Variants in EZH2 observed in about 807,000 individuals in gnomAD.
The protein encoded by EZH2 is enhancer of zeste 2 polycomb repressive complex 2 subunit.
In EZH2, 18 loss-of-function variants were observed where a neutral mutation model predicts 98.4. The observed-to-expected ratio is 0.18, with a 90% CI of 0.13 to 0.27. The LOEUF is 0.27. Ranked by LOEUF, EZH2 falls within the 10% of genes least tolerant of loss-of-function variation. The pLI is 1.00. For synonymous variants in EZH2, 338 were observed against 312.3 expected (o/e 1.08, Z -0.87); for missense variants, 470 against 935.1 (o/e 0.50, Z 6.49).
intron 6 of EZH2, 72 bp from the exon 7 acceptor site, chr7:148,827,338 C>T (rs780896160): frequency 1.9e-5 from 21 of 1,116,232 alleles, no homozygotes; most frequent in Non-Finnish European, 2.4e-5. Context: ...TTTCTCTACC[C>T]AATTATGTCT....
intron 3 of EZH2, among the ~76,000 whole-genome samples, chr7:148,834,479 C>G (rs759689172): frequency 2.0e-5 from 3 of 151,950 alleles, no homozygotes; most frequent in Non-Finnish European, 4.4e-5. Context: ...TGGGCCACAC[C>G]TGACCCTCAG....
chr7:148,823,674 T>C (rs1199824926), intron 8 of EZH2, among the ~76,000 whole-genome samples: 1 of 150,978 alleles, frequency 6.6e-6, no homozygotes, highest in Non-Finnish European at 1.5e-5. Flanking sequence ...TTTTAAGAGA[T>C]GGGGTCTCAC....
chr7:148,824,271 C>T (rs1807023076), intron 8 of EZH2, among the ~76,000 whole-genome samples: 1 of 149,652 alleles, frequency 6.7e-6, no homozygotes, highest in African/African-American at 2.5e-5. Context: ...GCTGAAATCA[C>T]ACCACTGCAC....
At chr7:148,875,152 T>A (rs1282986208) in intron 1 of EZH2, among the ~76,000 whole-genome samples, 1 of 152,182 alleles carries the variant, frequency 6.6e-6, no homozygotes, top group African/African-American at 2.4e-5. Context: ...TCCATACACC[T>A]AACAGCATAT....
chr7:148,872,564 C>T (rs1231709991), intron 1 of EZH2, among the ~76,000 whole-genome samples: 2 of 152,128 alleles, frequency 1.3e-5, no homozygotes, highest in Non-Finnish European at 2.9e-5. Flanking sequence ...AGGTTCTCAA[C>T]AAATAGTAAT....
At chr7:148,840,259 A>G (rs1334557967) in intron 3 of EZH2, among the ~76,000 whole-genome samples, 1 of 152,200 alleles carries the variant, frequency 6.6e-6, no homozygotes, top group Non-Finnish European at 1.5e-5. Flanking sequence ...CTGATTGCAA[A>G]AGTAAAAATT....
chr7:148,877,419 G>A (rs1353611218), intron 1 of EZH2, among the ~76,000 whole-genome samples: 2 of 152,134 alleles, frequency 1.3e-5, no homozygotes. Context: ...TAATGAGAAA[G>A]TACATCAACT....
intron 8 of EZH2, among the ~76,000 whole-genome samples, chr7:148,825,435 C>A (rs1022099456): frequency 3.9e-5 from 6 of 152,194 alleles, no homozygotes; most frequent in Admixed American, 1.3e-4. Flanking sequence ...GATAACTAAA[C>A]CACTAATATG....
chr7:148,879,920 C>A (rs912284085), intron 1 of EZH2, among the ~76,000 whole-genome samples: 2 of 151,884 alleles, frequency 1.3e-5, no homozygotes, highest in Non-Finnish European at 2.9e-5. Context: ...ACGTGGGCAA[C>A]AAAGCAGGAT....
At chr7:148,839,107 A>AGGAAGGAAGG (rs1307399209) in intron 3 of EZH2, among the ~76,000 whole-genome samples, 3 of 150,162 alleles carry the variant, frequency 2.0e-5, no homozygotes, top group Non-Finnish European at 4.4e-5. Flanking sequence ...GAAGGAAGGA[A>AGGAAGGAAGG]AGTGAGTGAG....
chr7:148,823,050 T>C (rs902955260), intron 8 of EZH2, among the ~76,000 whole-genome samples: 5 of 152,172 alleles, frequency 3.3e-5, no homozygotes, highest in African/African-American at 1.2e-4. Flanking sequence ...GCTTATCACC[T>C]GTGGGAAGCA....
intron 16 of EZH2, among the ~76,000 whole-genome samples, chr7:148,811,282 C>T (rs546205119): frequency 6.6e-6 from 1 of 152,272 alleles, no homozygotes; most frequent in Non-Finnish European, 1.5e-5. Context: ...TCCCAAGTAG[C>T]TGGGACTACA....
At chr7:148,841,126 T>C (rs147983632) in intron 3 of EZH2, among the ~76,000 whole-genome samples, 9 of 152,020 alleles carry the variant, frequency 5.9e-5, no homozygotes, top group Non-Finnish European at 1.2e-4. Context: ...ATAAACATAA[T>C]AAATGACATG....
rs79514524 is a variant in EZH2 at position 148,817,707 on chromosome 7, C to G, written c.1240+170G>C. The G allele has an allele frequency of 3.1e-3, 2,823 of 912,068 alleles. 60 individuals carry two copies. In the African/African-American group the frequency reaches 0.042, roughly 13 times the overall value. The allele number at this position is 912,068 out of a possible 1,614,324, so 56.5% of individuals were successfully genotyped here. On this transcript the variant is annotated intron_variant, in intron 10 of 19. Transcript: ENST00000320356. ...AGGGCAAACACCACAAGCTAGGGTA[C>G]GGGTGCAGGCAGGAAACAGAAACAA...
intron 19 of EZH2, 44 bp from the exon 20 acceptor site, chr7:148,807,750 C>T (rs774640077): frequency 7.3e-7 from 1 of 1,373,724 alleles, no homozygotes; most frequent in African/African-American, 2.0e-5. Context: ...GCCACCCATC[C>T]AACATGTGCT....
chr7:148,833,286 G>A lies in EZH2; in HGVS notation c.247-536C>T, dbSNP rs572930110. On this transcript the variant is annotated intron_variant, in intron 3 of 19. Coordinates refer to ENST00000320356, the MANE Select transcript of EZH2 (RefSeq NM_004456.5). ...ATCCTGGCTAACACGGTGAAACCCC[G>A]TCTCTACTAAAAATACAAAAATTAG... 3.2e-4 allele frequency among the ~76,000 whole-genome samples: 48 copies of A among 151,742 alleles called. No homozygotes were observed. In the East Asian group the frequency reaches 4.9e-3, roughly 15 times the overall value.
At chr7:148,870,459 T>G (rs1365430460) in intron 1 of EZH2, among the ~76,000 whole-genome samples, 1 of 152,140 alleles carries the variant, frequency 6.6e-6, no homozygotes, top group South Asian at 2.1e-4. Flanking sequence ...TCCCAGCACC[T>G]GGGGACTCCA....
intron 15 of EZH2, among the ~76,000 whole-genome samples, chr7:148,813,086 G>C (rs1002379691): frequency 6.9e-5 from 10 of 145,062 alleles, no homozygotes; most frequent in East Asian, 4.0e-4. Context: ...CACACACACA[G>C]AGCATAAGAG....
At chr7:148,883,388 A>G (rs1821292438) in intron 1 of EZH2, 1 of 152,434 alleles carries the variant, frequency 6.6e-6, no homozygotes, top group African/African-American at 2.4e-5. Flanking sequence ...CAAACTTAGC[A>G]TAAAGCCAGA....
Sources: gnomAD v4.1 joint callset for allele counts (sites outside exome capture counted in the v4.1 genomes callset) on GRCh38, gnomAD v4.1.1 for gene constraint, MANE v1.5 for transcripts, NCBI Gene and HGNC (gene_info 2026-07-23, HGNC 2026-07-21) for gene names.